Variants in NUCB2 observed in about 807,000 individuals in gnomAD.
The protein encoded by NUCB2 is nucleobindin 2, also known as nucleobindin-2.
Under a neutral mutation model 57.9 loss-of-function variants are expected in NUCB2, and 48 were observed. The ratio of observed to expected loss-of-function variants is 0.83; its 90% CI spans 0.66 to 1.05. NUCB2 has a LOEUF of 1.05. Among genes scored for constraint, NUCB2 ranks in the 50% least tolerant of loss-of-function variants. NUCB2 has a pLI of 0.00. For synonymous variants in NUCB2, 139 were observed against 152.1 expected (o/e 0.91, Z 0.64); for missense variants, 442 against 476.2 (o/e 0.93, Z 0.67).
At chr11:17,289,508 A>G (rs906746265) in intron 2 of NUCB2, among the ~76,000 whole-genome samples, 3 of 152,214 alleles carry the variant, frequency 2.0e-5, no homozygotes, top group Non-Finnish European at 4.4e-5. Context: ...ACACGCTCTC[A>G]GAATGTATCA....
At chr11:17,329,651 G>A (rs1046449423) in intron 11 of NUCB2, among the ~76,000 whole-genome samples, 2 of 152,224 alleles carry the variant, frequency 1.3e-5, no homozygotes, top group East Asian at 1.9e-4. Context: ...GGTCTGCCAC[G>A]AGGGAATGGG....
intron 6 of NUCB2, among the ~76,000 whole-genome samples, chr11:17,310,614 C>G (rs1047861981): frequency 6.6e-5 from 10 of 151,370 alleles, no homozygotes; most frequent in Non-Finnish European, 1.3e-4. Context: ...CCACTGCACT[C>G]CAGCCTGGGT....
chr11:17,342,231 C>T (rs555256263), intron 2 of NUCB2, among the ~76,000 whole-genome samples: 15 of 152,110 alleles, frequency 9.9e-5, no homozygotes, highest in African/African-American at 2.9e-4. Context: ...GTCTTGCTAG[C>T]GGTCTACCAA....
intron 1 of NUCB2, among the ~76,000 whole-genome samples, chr11:17,282,216 A>ATATC (rs143444146): frequency 5.2e-3 from 493 of 94,972 alleles, no homozygotes; most frequent in Middle Eastern, 9.3e-3. Flanking sequence ...ATCTATATCT[A>ATATC]TATCTATCTA....
chr11:17,292,269 G>A (rs1198997938), intron 2 of NUCB2, among the ~76,000 whole-genome samples: 2 of 152,042 alleles, frequency 1.3e-5, no homozygotes, highest in Non-Finnish European at 2.9e-5. Context: ...TCTAAATTTA[G>A]TTCTGCCTTA....
intron 2 of NUCB2, among the ~76,000 whole-genome samples, chr11:17,343,239 C>T (rs2139644458): frequency 6.6e-6 from 1 of 152,194 alleles, no homozygotes; most frequent in Middle Eastern, 3.4e-3. Context: ...CTGAATACAG[C>T]ACACTGATGG....
intron 2 of NUCB2, among the ~76,000 whole-genome samples, chr11:17,288,645 C>T (rs1394760678): frequency 1.4e-5 from 2 of 147,550 alleles, no homozygotes; most frequent in Non-Finnish European, 3.0e-5. Flanking sequence ...ACCTCTGCCT[C>T]CTAGGTTCAA....
At chr11:17,347,855 G>A (rs1952866560) in intron 2 of NUCB2, among the ~76,000 whole-genome samples, 1 of 152,208 alleles carries the variant, frequency 6.6e-6, no homozygotes, top group South Asian at 2.1e-4. Flanking sequence ...CTTTCTCACA[G>A]TGTGGTCTGT....
chr11:17,280,420 A>C (rs1050542467), intron 1 of NUCB2, among the ~76,000 whole-genome samples: 1 of 152,136 alleles, frequency 6.6e-6, no homozygotes, highest in East Asian at 1.9e-4. Flanking sequence ...GTTGACTTTC[A>C]TTTTCAAAGG....
intron 4 of NUCB2, among the ~76,000 whole-genome samples, chr11:17,301,388 T>G (rs979027980): frequency 6.6e-6 from 1 of 151,064 alleles, no homozygotes; most frequent in African/African-American, 2.4e-5. Context: ...AAGTGATTCT[T>G]CTGCCCCAGC....
chr11:17,339,355 A>AT (rs915320288), intron 2 of NUCB2, among the ~76,000 whole-genome samples: 7 of 151,982 alleles, frequency 4.6e-5, no homozygotes, highest in South Asian at 2.1e-4. Context: ...AGTCCAAGTG[A>AT]TTTTTTTTAT....
At chr11:17,285,022 CA>C (rs1943391931) in intron 2 of NUCB2, among the ~76,000 whole-genome samples, 2 of 151,936 alleles carry the variant, frequency 1.3e-5, no homozygotes, top group African/African-American at 4.8e-5. Context: ...TCAATACATA[CA>C]TACATACATA....
chr11:17,283,126 G>C (rs1242808635), intron 2 of NUCB2, among the ~76,000 whole-genome samples, 183 bp downstream of exon 2: 1 of 152,186 alleles, frequency 6.6e-6, no homozygotes, highest in Non-Finnish European at 1.5e-5. Context: ...GCTTTATAAA[G>C]TCATCAGAGA....
chr11:17,301,875 G>A lies in NUCB2; in HGVS notation c.379+5G>A. ...CTAAGTTGGATTCCCTTCAAGGTAA[G>A]TGCTAAACAAAAGGTAGGATTTTTT... On this transcript the variant is annotated splice_donor_5th_base_variant and intron_variant, in intron 5 of 13. Transcript: ENST00000529010. The A allele has an allele frequency of 6.2e-7, 1 of 1,603,418 alleles. No homozygotes were observed. The highest frequency in any genetic ancestry group is 8.5e-7 in the Non-Finnish European group (1 of 1,176,200).
chr11:17,313,797 C>T (rs994216503), intron 10 of NUCB2, among the ~76,000 whole-genome samples: 1 of 152,150 alleles, frequency 6.6e-6, no homozygotes, highest in African/African-American at 2.4e-5. Flanking sequence ...GGCTCTTCCT[C>T]CTCTTTCCAA....
At chr11:17,299,864 A>G (rs1946407389) in intron 4 of NUCB2, among the ~76,000 whole-genome samples, 1 of 152,098 alleles carries the variant, frequency 6.6e-6, no homozygotes, top group Non-Finnish European at 1.5e-5. Flanking sequence ...TGATCATGCT[A>G]CTGCACTCCA....
At chr11:17,282,033 G>A (rs1168378758) in intron 1 of NUCB2, among the ~76,000 whole-genome samples, 1 of 151,398 alleles carries the variant, frequency 6.6e-6, no homozygotes, top group Non-Finnish European at 1.5e-5. Flanking sequence ...TTTTAAATTG[G>A]TGGTAAGAGT....
At chr11:17,314,951 A>T (rs904090467) in intron 10 of NUCB2, among the ~76,000 whole-genome samples, 1 of 152,134 alleles carries the variant, frequency 6.6e-6, no homozygotes, top group Non-Finnish European at 1.5e-5. Flanking sequence ...TTAAGAAAAA[A>T]TGTTGAGAGC....
chr11:17,340,106 A>G (rs571184659), intron 2 of NUCB2, among the ~76,000 whole-genome samples: 1 of 152,360 alleles, frequency 6.6e-6, no homozygotes, highest in African/African-American at 2.4e-5. Flanking sequence ...ATGGCCAGTG[A>G]TGATGAGCAT....
Sources: allele counts gnomAD v4.1 joint callset (sites outside exome capture counted in the v4.1 genomes callset), GRCh38; gene constraint gnomAD v4.1.1; transcripts MANE v1.5; gene names NCBI Gene and HGNC (gene_info 2026-07-23, HGNC 2026-07-21).